Variants in HYCC2 observed in about 807,000 individuals in gnomAD.
The protein encoded by HYCC2 is hyccin 2.
At chr2:200,997,611 G>A in the HYCC2 span, 17 of 915,528 alleles carry the variant, frequency 1.9e-5, no homozygotes, top group Non-Finnish European at 2.7e-5. Context: ...TTATGACAAT[G>A]CCTTAATATT....
chr2:201,020,752 A>G, the HYCC2 span, among the ~76,000 whole-genome samples: 1 of 152,140 alleles, frequency 6.6e-6, no homozygotes, highest in Non-Finnish European at 1.5e-5. Context: ...GAATCTGAAA[A>G]TATGAAAGTT....
At chr2:201,055,071 C>T in the HYCC2 span, among the ~76,000 whole-genome samples, 10 of 152,148 alleles carry the variant, frequency 6.6e-5, no homozygotes, top group African/African-American at 2.4e-4. Context: ...GATTTCGTGG[C>T]ATTTTTAACC....
chr2:201,065,356 T>G, the HYCC2 span, among the ~76,000 whole-genome samples: 1 of 152,226 alleles, frequency 6.6e-6, no homozygotes, highest in Non-Finnish European at 1.5e-5. Flanking sequence ...TGAAGAACAT[T>G]TAGGTTTCCA....
At chr2:200,982,704 G>GAA in the HYCC2 span, among the ~76,000 whole-genome samples, 1 of 152,162 alleles carries the variant, frequency 6.6e-6, no homozygotes, top group Non-Finnish European at 1.5e-5. Context: ...CACAAAATAC[G>GAA]ATAGTGTCCC....
the HYCC2 span, chr2:201,063,692 T>G: frequency 6.3e-7 from 1 of 1,577,328 alleles, no homozygotes; most frequent in Non-Finnish European, 8.6e-7. Flanking sequence ...TTCTGGAAAC[T>G]TTGGTGGTGG....
At chr2:201,063,670 A>C in the HYCC2 span, 4 of 1,575,328 alleles carry the variant, frequency 2.5e-6, no homozygotes, top group African/African-American at 5.4e-5. Context: ...CTAGCCAAAG[A>C]GGTCGAAGTG....
the HYCC2 span, among the ~76,000 whole-genome samples, chr2:201,014,240 C>T: frequency 6.6e-6 from 1 of 152,082 alleles, no homozygotes; most frequent in African/African-American, 2.4e-5. Context: ...TAATGCTAAG[C>T]ATAATCTAAA....
At chr2:201,047,465 TAC>T in the HYCC2 span, among the ~76,000 whole-genome samples, 25 of 148,878 alleles carry the variant, frequency 1.7e-4, no homozygotes, top group African/African-American at 4.8e-4. Context: ...TATATATATA[TAC>T]ACACACACAT....
chr2:201,033,565 G>A, the HYCC2 span, among the ~76,000 whole-genome samples: 33 of 151,642 alleles, frequency 2.2e-4, 1 homozygote, highest in African/African-American at 6.0e-4. Flanking sequence ...CACCACGCCC[G>A]GCTAATTTTT....
the HYCC2 span, among the ~76,000 whole-genome samples, chr2:201,049,967 T>G: frequency 6.6e-6 from 1 of 152,212 alleles, no homozygotes; most frequent in Non-Finnish European, 1.5e-5. Flanking sequence ...GCCAAAGTGC[T>G]GGGATTACAG....
the HYCC2 span, among the ~76,000 whole-genome samples, chr2:201,012,358 G>A: frequency 3.3e-5 from 5 of 152,254 alleles, no homozygotes; most frequent in South Asian, 8.3e-4. Flanking sequence ...CTACTCAGGA[G>A]GCTGAGGTGG....
the HYCC2 span, among the ~76,000 whole-genome samples, chr2:201,058,448 C>T: frequency 3.3e-5 from 5 of 152,246 alleles, no homozygotes; most frequent in African/African-American, 1.2e-4. Context: ...CAGCGGCTCA[C>T]GCCTGTAATC....
the HYCC2 span, chr2:200,987,269 C>G: frequency 9.0e-7 from 1 of 1,107,966 alleles, no homozygotes; most frequent in Non-Finnish European, 1.2e-6. Flanking sequence ...TAGAAACACA[C>G]ATTAGAATGG....
At chr2:201,038,060 AC>A in the HYCC2 span, among the ~76,000 whole-genome samples, 1 of 152,090 alleles carries the variant, frequency 6.6e-6, no homozygotes, top group African/African-American at 2.4e-5. Context: ...AAAACAAACA[AC>A]CCCATCAAAA....
At chr2:200,996,465 TA>T in the HYCC2 span, 143 of 146,972 alleles carry the variant, frequency 9.7e-4, no homozygotes, top group African/African-American at 1.4e-3. Context: ...TGGTCTCTTT[TA>T]AAAAAAAAAA....
the HYCC2 span, among the ~76,000 whole-genome samples, chr2:201,035,445 A>G: frequency 6.6e-6 from 1 of 152,092 alleles, no homozygotes. Flanking sequence ...CGTGGTTTTC[A>G]GCTCCATCAG....
chr2:200,977,204 G>C, the HYCC2 span: 3 of 152,004 alleles, frequency 2.0e-5, no homozygotes, highest in Admixed American at 6.6e-5. Flanking sequence ...TTAATGTGTT[G>C]TATTCACCAA....
the HYCC2 span, among the ~76,000 whole-genome samples, chr2:200,989,076 G>A: frequency 1.3e-5 from 2 of 152,206 alleles, no homozygotes; most frequent in African/African-American, 2.4e-5. Context: ...GGAAAGTTGA[G>A]TCTTTCAATT....
the HYCC2 span, among the ~76,000 whole-genome samples, chr2:201,009,842 G>A: frequency 2.0e-5 from 3 of 151,774 alleles, no homozygotes; most frequent in South Asian, 2.1e-4. Flanking sequence ...GGTGGCTCAC[G>A]CCTGTAATCC....
Sources: allele counts gnomAD v4.1 joint callset (sites outside exome capture counted in the v4.1 genomes callset), GRCh38; gene constraint gnomAD v4.1.1; transcripts MANE v1.5; gene names NCBI Gene and HGNC (gene_info 2026-07-23, HGNC 2026-07-21).